The following SAMD12 variants were observed in gnomAD, a reference collection of about 807,000 sequenced individuals.
SAMD12 encodes sterile alpha motif domain-containing protein 12.
In SAMD12, 9 loss-of-function variants were observed where a neutral mutation model predicts 15.0. The observed-to-expected ratio is 0.60, with a 90% CI of 0.36 to 1.05. SAMD12 has a LOEUF of 1.05. Ranked by LOEUF, SAMD12 falls within the 50% of genes least tolerant of loss-of-function variation. SAMD12 has a pLI of 0.01. For synonymous variants in SAMD12, 86 were observed against 90.1 expected (o/e 0.96, Z 0.25); for missense variants, 230 against 234.2 (o/e 0.98, Z 0.12).
chr8:118,537,514 T>G (rs1039314810), intron 2 of SAMD12, among the ~76,000 whole-genome samples: 1 of 152,230 alleles, frequency 6.6e-6, no homozygotes, highest in African/African-American at 2.4e-5. Flanking sequence ...ATAGTCTGTT[T>G]GCAGGCTCAC....
At chr8:118,364,688 G>A (rs1378288615) in intron 4 of SAMD12, among the ~76,000 whole-genome samples, 1 of 152,096 alleles carries the variant, frequency 6.6e-6, no homozygotes, top group East Asian at 1.9e-4. Context: ...ATAAGGTCTG[G>A]GAATCTCCAT....
intron 2 of SAMD12, among the ~76,000 whole-genome samples, chr8:118,457,728 C>A (rs184014518): frequency 6.6e-6 from 1 of 152,250 alleles, no homozygotes; most frequent in African/African-American, 2.4e-5. Flanking sequence ...TTTCTTTGGC[C>A]TGGGCATGAA....
At chr8:118,577,856 A>G (rs1827190847) in intron 2 of SAMD12, among the ~76,000 whole-genome samples, 1 of 152,146 alleles carries the variant, frequency 6.6e-6, no homozygotes, top group African/African-American at 2.4e-5. Context: ...GCACCCTAAA[A>G]GCGTAATACT....
At chr8:118,373,463 A>C (rs73325687), downstream of SAMD12, among the ~76,000 whole-genome samples, 7,457 of 152,238 alleles carry the variant, frequency 0.049, 590 homozygotes, top group African/African-American at 0.17. Context: ...TAAAATAGCT[A>C]GTCCGTACAT....
intron 4 of SAMD12, among the ~76,000 whole-genome samples, chr8:118,253,240 G>C (rs1288727147): frequency 6.6e-6 from 1 of 152,160 alleles, no homozygotes; most frequent in Non-Finnish European, 1.5e-5. Context: ...CTCGCAGAAA[G>C]GCAGTGTACT....
At chr8:118,335,973 T>C (rs1379671856) in intron 4 of SAMD12, among the ~76,000 whole-genome samples, 2 of 152,138 alleles carry the variant, frequency 1.3e-5, no homozygotes, top group Non-Finnish European at 2.9e-5. Flanking sequence ...AATCCATTGC[T>C]TTTGCCTCTG....
intron 2 of SAMD12, among the ~76,000 whole-genome samples, chr8:118,566,295 C>T (rs1383212772): frequency 1.3e-5 from 2 of 152,138 alleles, no homozygotes; most frequent in Non-Finnish European, 2.9e-5. Context: ...ATTTTGGTTT[C>T]GTCTCAGAAA....
chr8:118,468,427 A>T (rs73313490), intron 2 of SAMD12, among the ~76,000 whole-genome samples: 33,260 of 152,086 alleles, frequency 0.22, 5,446 homozygotes, highest in African/African-American at 0.46. Context: ...TATTATTGCC[A>T]TTGGCTCAGA....
At chr8:118,197,759 G>T in intron 4 of SAMD12, 1 of 1,607,318 alleles carries the variant, frequency 6.2e-7, no homozygotes, top group Non-Finnish European at 8.5e-7. Flanking sequence ...GGGGAAATAT[G>T]GTAAGTTCTT....
chr8:118,401,083 C>T (rs562213878), intron 3 of SAMD12, among the ~76,000 whole-genome samples: 30 of 152,308 alleles, frequency 2.0e-4, no homozygotes, highest in African/African-American at 7.2e-4. Context: ...TCTAAAACCA[C>T]AAATTTCTAA....
intron 1 of SAMD12, among the ~76,000 whole-genome samples, chr8:118,613,597 C>T (rs904157756): frequency 2.0e-5 from 3 of 152,124 alleles, no homozygotes; most frequent in African/African-American, 7.2e-5. Context: ...CTAAAAGGTC[C>T]TAATATTTCT....
intron 4 of SAMD12, among the ~76,000 whole-genome samples, chr8:118,344,873 G>A (rs1209473679): frequency 6.6e-6 from 1 of 152,134 alleles, no homozygotes; most frequent in East Asian, 1.9e-4. Context: ...TTATGATGGA[G>A]CTGAAATATT....
chr8:118,443,895 G>T (rs572898245), intron 2 of SAMD12, among the ~76,000 whole-genome samples: 2 of 152,092 alleles, frequency 1.3e-5, no homozygotes, highest in African/African-American at 4.8e-5. Context: ...TCACTTCCAC[G>T]TACAATTAGA....
At chr8:118,354,313 C>G (rs1384100298) in intron 4 of SAMD12, among the ~76,000 whole-genome samples, 1 of 152,216 alleles carries the variant, frequency 6.6e-6, no homozygotes. Flanking sequence ...GAGGAATGGT[C>G]TAGATTCTAG....
chr8:118,555,084 A>G (rs1826484659), intron 2 of SAMD12, among the ~76,000 whole-genome samples: 1 of 152,218 alleles, frequency 6.6e-6, no homozygotes, highest in Non-Finnish European at 1.5e-5. Flanking sequence ...AAGGAAAATA[A>G]TAATTCAACA....
exon 5 of SAMD12, chr8:118,194,625 A>C (rs890631295): frequency 6.6e-6 from 1 of 152,204 alleles, no homozygotes; most frequent in African/African-American, 2.4e-5. Flanking sequence ...GGAAAAGTCA[A>C]GCATCAACAG....
chr8:118,354,218 G>C (rs1409715656), intron 4 of SAMD12, among the ~76,000 whole-genome samples: 1 of 152,076 alleles, frequency 6.6e-6, no homozygotes, highest in African/African-American at 2.4e-5. Context: ...TTTATAAAAG[G>C]CATAAAAAAG....
intron 2 of SAMD12, among the ~76,000 whole-genome samples, chr8:118,535,869 G>T (rs922439067): frequency 1.3e-5 from 2 of 152,190 alleles, no homozygotes; most frequent in Non-Finnish European, 2.9e-5. Context: ...GGCTAGGAAA[G>T]GGAATTCCCT....
rs112548524 is a variant in SAMD12, at chr8:118,286,317, T to TA, written c.434-88586dup. Among the ~76,000 whole-genome samples, 1,233 of 148,698 alleles carry TA rather than the reference T, an allele frequency of 8.3e-3. 19 individuals carry two copies. Among genetic ancestry groups the TA allele is most frequent in the African/African-American group, 0.025 (1,021 of 40,540 alleles). ...TGTACCCTAGAACTTAAAATATAAT[T>TA]AAAAAAAAAAGAAAGCAAGCTGTGT... On this transcript the variant is annotated intron_variant, in intron 4 of 4. Coordinates refer to the SAMD12 transcript ENST00000409003.
Sources: allele counts gnomAD v4.1 joint callset (sites outside exome capture counted in the v4.1 genomes callset), GRCh38; gene constraint gnomAD v4.1.1; transcripts MANE v1.5; gene names NCBI Gene and HGNC (gene_info 2026-07-23, HGNC 2026-07-21).